Variants in KMT2E observed in about 807,000 individuals in gnomAD.
KMT2E encodes the protein histone reader KMT2E.
A neutral mutation model predicts 184.6 loss-of-function variants in KMT2E; 30 were observed. The observed-to-expected ratio is 0.16, with a 90% CI of 0.12 to 0.22. The LOEUF is 0.22. Ranked by LOEUF, KMT2E falls within the 10% of genes least tolerant of loss-of-function variation. The probability of loss-of-function intolerance (pLI) is 1.00; values close to 1 mark genes in which losing one functional copy is unlikely to be tolerated. For missense variants in KMT2E, 2,023 were observed against 2,237.4 expected (o/e 0.90, Z 1.93); for synonymous variants, 815 against 776.5 (o/e 1.05, Z -0.82).
In KMT2E at chr7:105,112,236, G is replaced by C; in HGVS notation, c.4480G>C (p.Glu1494Gln). The C allele has an allele frequency of 6.2e-7, 1 of 1,614,108 alleles. No individual in the cohort carries two copies. The highest frequency in any genetic ancestry group is 8.5e-7 in the Non-Finnish European group (1 of 1,180,018). Reference protein sequence around the residue: ...QSPQVGTPQREPQRNFYPAAQ... With the variant: ...QSPQVGTPQRQPQRNFYPAAQ... ...ACCTCAAGTTGGAACACCTCAGCGA[G>C]AGCCTCAAAGAAACTTTTATCCAGC... The change falls in exon 27 of 27, where the codon GAG becomes CAG. Residue 1494 changes from glutamate (E) to glutamine (Q), a missense_variant. Physicochemically the swap from Glu to Gln is conservative, Grantham distance 29. Transcript: ENST00000311117.
Position 105,106,389 on chromosome 7 carries a change from C to T in KMT2E, c.2597-133C>T, listed in dbSNP as rs1048177155. ...TCATGTTAGTACCATTTTTTTAAAA[C>T]CGTGAAATTCAGTTTTGGGGTAAAA... is the stretch of plus-strand genomic sequence containing the variant. On this transcript the variant is annotated intron_variant, in intron 19 of 26. Coordinates refer to ENST00000311117, the MANE Select transcript of KMT2E (RefSeq NM_182931.3). 8 of 837,676 alleles carry T rather than the reference C, an allele frequency of 9.6e-6. No individual in the cohort carries two copies. In the East Asian group the frequency reaches 1.6e-4, roughly 17 times the overall value. The allele number at this position is 837,676 out of a possible 1,614,324, so 51.9% of individuals were successfully genotyped here. A position where few individuals can be genotyped will look rare whatever the true frequency, so the allele number is the denominator to read the frequency against.
intron 1 of KMT2E, among the ~76,000 whole-genome samples, chr7:105,023,323 A>T (rs1795028846): frequency 7.1e-6 from 1 of 141,288 alleles, no homozygotes; most frequent in South Asian, 2.3e-4. Flanking sequence ...AATCGCTTGA[A>T]CCTGGGAGGC....
intron 3 of KMT2E, among the ~76,000 whole-genome samples, chr7:105,050,339 T>C (rs923249316): frequency 6.6e-6 from 1 of 152,236 alleles, no homozygotes; most frequent in Admixed American, 6.5e-5. Context: ...CCACTATTGG[T>C]CATTTTTTCC....
chr7:105,068,624 G>GTTTTTTTT lies in KMT2E; in HGVS notation c.497+1824_497+1831dup, dbSNP rs77819480. On this transcript the variant is annotated intron_variant, in intron 6 of 26. Coordinates refer to ENST00000311117, the MANE Select transcript of KMT2E (RefSeq NM_182931.3). ...TCGCCACCATGCCTGACTAGTTGTG[G>GTTTTTTTT]TTTTTTTTTTTTTTGTTTTTTTTTT... Among the ~76,000 whole-genome samples the GTTTTTTTT allele has an allele frequency of 3.3e-4, 37 of 112,258 alleles. 3 individuals are homozygous for GTTTTTTTT. The highest frequency in any genetic ancestry group is 1.2e-3 in the African/African-American group (31 of 25,024). The allele number at this position is 112,258 out of a possible 152,430, so 73.6% of individuals were successfully genotyped here. A position where few individuals can be genotyped will look rare whatever the true frequency, so the allele number is the denominator to read the frequency against.
Position 105,053,048 on chromosome 7 carries a change from G to C in KMT2E, c.72-9116G>C, listed in dbSNP as rs530675966. Among the ~76,000 whole-genome samples the C allele has an allele frequency of 2.0e-5, 3 of 152,142 alleles. No individual in the cohort carries two copies. The East Asian group carries it at 5.8e-4, about 29-fold the overall frequency. ...AAAGATGTACAAAAATACAGCACCT[G>C]ACGGTGCTGTATAATTGAATGAAAA... On this transcript the variant is annotated intron_variant, in intron 3 of 26. Transcript: ENST00000311117.
intron 1 of KMT2E, among the ~76,000 whole-genome samples, chr7:105,024,726 C>G (rs1242579589): frequency 6.6e-6 from 1 of 152,118 alleles, no homozygotes; most frequent in Non-Finnish European, 1.5e-5. Flanking sequence ...AGTGGTTAAT[C>G]AAGGTTTAAA....
At chr7:105,088,254 TA>T (rs1292401382) in intron 13 of KMT2E, among the ~76,000 whole-genome samples, 1 of 152,230 alleles carries the variant, frequency 6.6e-6, no homozygotes, top group Non-Finnish European at 1.5e-5. Context: ...AATACTCACC[TA>T]AAGTGCTTAA....
chr7:105,098,836 T>C (rs1056460492), intron 15 of KMT2E, among the ~76,000 whole-genome samples: 1 of 152,178 alleles, frequency 6.6e-6, no homozygotes, highest in African/African-American at 2.4e-5. Context: ...ATAAAAACAA[T>C]GTATAGATTT....
rs1797515971 is a variant in KMT2E, at chr7:105,076,101, GGT to G, written c.768+23_768+24del. The G allele has an allele frequency of 6.5e-7, 1 of 1,549,852 alleles. No homozygotes were observed. The highest frequency in any genetic ancestry group is 2.2e-5 in the East Asian group (1 of 44,452). ...GTTAAGGTAAATACATTAATTTTAAGGTGTTGTTATCAACTGTCATTTATTCA... is the reference window on the plus strand; with the variant it reads ...GTTAAGGTAAATACATTAATTTTAAGGTTGTTATCAACTGTCATTTATTCA... On this transcript the variant is annotated intron_variant, in intron 9 of 26. Transcript: ENST00000311117.
chr7:105,048,182 A>G (rs1461176139), intron 3 of KMT2E, among the ~76,000 whole-genome samples: 1 of 152,146 alleles, frequency 6.6e-6, no homozygotes, highest in Non-Finnish European at 1.5e-5. Context: ...AACTACAGGT[A>G]CACACCACCA....
intron 9 of KMT2E, 27 bp from the exon 10 acceptor site, chr7:105,076,936 A>T: frequency 6.8e-7 from 1 of 1,472,876 alleles, no homozygotes; most frequent in Non-Finnish European, 9.5e-7. Context: ...GTAAGTCCAG[A>T]TACTAAAGCT....
chr7:105,064,072 C>T (rs965131123), intron 5 of KMT2E: 2 of 441,786 alleles, frequency 4.5e-6, no homozygotes, highest in African/African-American at 4.1e-5. Context: ...TCCCCTCCCC[C>T]AACCCTGGTT....
chr7:105,020,107 C>CA (rs779473152), intron 1 of KMT2E, among the ~76,000 whole-genome samples: 3,707 of 63,156 alleles, frequency 0.059, 74 homozygotes, highest in Admixed American at 0.13. Flanking sequence ...GACTCTGTCT[C>CA]AAAAAAAAAA....
intron 12 of KMT2E, 104 bp downstream of exon 12, chr7:105,079,067 C>G (rs574966365): frequency 1.6e-6 from 1 of 642,708 alleles, no homozygotes; most frequent in South Asian, 1.8e-5. Context: ...CACTTTCCAC[C>G]TGTTGGTGCA....
At chr7:105,068,624 G>GTGTT (rs1797144945) in intron 6 of KMT2E, among the ~76,000 whole-genome samples, 1 of 112,274 alleles carries the variant, frequency 8.9e-6, no homozygotes, top group Non-Finnish European at 1.7e-5. Flanking sequence ...ACTAGTTGTG[G>GTGTT]TTTTTTTTTT....
chr7:105,044,743 C>T (rs988318805), intron 3 of KMT2E, among the ~76,000 whole-genome samples: 1 of 152,142 alleles, frequency 6.6e-6, no homozygotes, highest in African/African-American at 2.4e-5. Context: ...AGTTTTGTGA[C>T]AGTGTTGTTG....
At chr7:105,044,294 A>G (rs561142422) in intron 3 of KMT2E, among the ~76,000 whole-genome samples, 1 of 152,348 alleles carries the variant, frequency 6.6e-6, no homozygotes, top group East Asian at 1.9e-4. Context: ...TAAATAATCA[A>G]CAGTCATAAA....
At position 105,090,173 on chromosome 7, in the gene KMT2E, A is replaced by G. The variant is rs920632682; in HGVS notation, c.1523A>G (p.Asn508Ser). The change falls in exon 14 of 27, where the codon AAT (asparagine) becomes AGT (serine). Residue 508 changes from asparagine (N) to serine (S), a missense_variant. Asn to Ser is a conservative substitution (Grantham distance 46). Transcript: ENST00000311117. Reference protein sequence around the residue: ...ISKEKDTQNQNITLDCEGTTN... With the variant: ...ISKEKDTQNQSITLDCEGTTN... ...AAAGAAAAAGATACACAAAATCAGA[A>G]TATTACTTTGGATTGTGAAGGAACG... The G allele has an allele frequency of 9.9e-6, 16 of 1,612,936 alleles. No individual in the cohort carries two copies. Among genetic ancestry groups the G allele is most frequent in the Non-Finnish European group, 1.3e-5 (15 of 1,179,708 alleles).
intron 3 of KMT2E, among the ~76,000 whole-genome samples, chr7:105,044,631 G>C (rs1300315907): frequency 2.0e-5 from 3 of 152,154 alleles, no homozygotes; most frequent in Admixed American, 2.0e-4. Context: ...GATAGTGCCT[G>C]ATTATCAGTT....
Sources: gnomAD v4.1 joint callset for allele counts (sites outside exome capture counted in the v4.1 genomes callset) on GRCh38, gnomAD v4.1.1 for gene constraint, MANE v1.5 for transcripts, NCBI Gene and HGNC (gene_info 2026-07-23, HGNC 2026-07-21) for gene names.